MFSD2A: variants seen among roughly 807,000 people sequenced by gnomAD.
MFSD2A encodes the protein MFSD2 lysolipid transporter A, lysophospholipid.
A neutral mutation model predicts 64.7 loss-of-function variants in MFSD2A; 27 were observed. That is an observed-to-expected ratio of 0.42 (90% CI 0.31 to 0.58). MFSD2A has a LOEUF of 0.58. Among genes scored for constraint, MFSD2A ranks in the 20% least tolerant of loss-of-function variants. MFSD2A has a pLI of 0.18. For synonymous variants in MFSD2A, 258 were observed against 273.4 expected, an observed-to-expected ratio of 0.94 and a Z score of 0.55; for missense variants, 474 against 679.5, an observed-to-expected ratio of 0.70 and a Z score of 3.36.
Position 39,965,059 on chromosome 1 carries a change from G to T in MFSD2A, c.354-152G>T. 1 of 1,063,384 alleles carries T rather than the reference G, an allele frequency of 9.4e-7. No individual in the cohort carries two copies. Among genetic ancestry groups the T allele is most frequent in the Non-Finnish European group, 1.3e-6 (1 of 750,652 alleles). 65.9% of individuals were successfully genotyped at this position (1,063,384 alleles called of 1,614,324 possible). The stretch of plus-strand genomic sequence containing the variant: ...CTTGGTCATCAGCCTCTTCCCAGAG[G>T]CCCAGGATGGGTGGATTTGGCAGGA... On this transcript the variant is annotated intron_variant, in intron 3 of 13. Coordinates refer to ENST00000372811, the MANE Select transcript of MFSD2A (RefSeq NM_032793.5). The surrounding 1 kb of genome is among the most constrained non-coding windows in gnomAD (Gnocchi z 5.5).
chr1:39,966,084 G>C, intron 6 of MFSD2A, 70 bp downstream of exon 6: 1 of 1,539,638 alleles, frequency 6.5e-7, no homozygotes, highest in Admixed American at 1.8e-5. Context: ...TCATCCTAAA[G>C]ATAGTAACAG....
intron 3 of MFSD2A, among the ~76,000 whole-genome samples, chr1:39,961,351 TTTTG>T (rs1160110734): frequency 2.3e-4 from 10 of 43,732 alleles, no homozygotes; most frequent in Non-Finnish European, 3.7e-4. Flanking sequence ...CCCCCGCTTT[TTTTG>T]TTTGTTTGTT....
rs2124755589 is a variant in MFSD2A at position 39,956,989 on chromosome 1, G to T, written c.94-98G>T. The T allele has an allele frequency of 1.4e-4, 125 of 865,620 alleles. No individual in the cohort carries two copies. The Middle Eastern group carries it at 1.4e-3, about 10-fold the overall frequency. 53.6% of individuals were successfully genotyped at this position (865,620 alleles called of 1,614,324 possible). A position where few individuals can be genotyped will look rare whatever the true frequency, so the allele number is the denominator to read the frequency against. The stretch of plus-strand genomic sequence containing the variant: ...GGAACAGGTCAAAGCAGAGTTGTTT[G>T]TTCTGGTAGAGCTGGCCAGAGGGAT... On this transcript the variant is annotated intron_variant, in intron 1 of 13. Coordinates refer to ENST00000372811, the MANE Select transcript of MFSD2A (RefSeq NM_032793.5).
intron 3 of MFSD2A, among the ~76,000 whole-genome samples, chr1:39,959,747 A>G (rs540818747): frequency 6.6e-6 from 1 of 152,190 alleles, no homozygotes; most frequent in South Asian, 2.1e-4. Context: ...AGGTTGATGT[A>G]ATTTTGAGAC....
chr1:39,960,657 C>T lies in MFSD2A; in HGVS notation c.353+1832C>T, dbSNP rs1420981138. ...GGGTTACTCCCAGTTACACTGGGTT[C>T]CTCAGCAGCAGCTGCTCAGCTGCTT... On this transcript the variant is annotated intron_variant, in intron 3 of 13. Transcript: ENST00000372811. The surrounding 1 kb of genome is among the most constrained non-coding windows in gnomAD (Gnocchi z 4.8). 2.6e-5 allele frequency among the ~76,000 whole-genome samples: 4 copies of T among 152,252 alleles called. No homozygotes were observed. Among genetic ancestry groups the T allele is most frequent in the Non-Finnish European group, 5.9e-5 (4 of 68,054 alleles).
Position 39,969,665 on chromosome 1 carries a change from G to T in MFSD2A, c.*97G>T. ...TGAGCAGCTGGACTGCAGGTGCTAGGAAGGGAACTGAAGACTCAAGGAGGT... is the reference window on the plus strand; with the variant it reads ...TGAGCAGCTGGACTGCAGGTGCTAGTAAGGGAACTGAAGACTCAAGGAGGT... On this transcript the variant is annotated 3_prime_UTR_variant, in exon 14 of 14. Coordinates refer to ENST00000372811, the MANE Select transcript of MFSD2A (RefSeq NM_032793.5). The T allele has an allele frequency of 8.5e-7, 1 of 1,171,268 alleles. No individual in the cohort carries two copies. Among genetic ancestry groups the T allele is most frequent in the South Asian group, 1.4e-5 (1 of 72,782 alleles). The allele number at this position is 1,171,268 out of a possible 1,614,324, so 72.6% of individuals were successfully genotyped here.
At position 39,969,613 on chromosome 1, in the gene MFSD2A, G is replaced by A. The variant is rs575790497; in HGVS notation, c.*45G>A. The A allele has an allele frequency of 3.2e-6, 5 of 1,576,758 alleles. No homozygotes were observed. The South Asian group carries it at 5.7e-5, about 18-fold the overall frequency. ...AGCCACCATGCAGAAGGCCACAGAA[G>A]GGATCAGGACCTGTCTGCCGGCTTG... On this transcript the variant is annotated 3_prime_UTR_variant, in exon 14 of 14. Transcript: ENST00000372811.
In MFSD2A at chr1:39,958,595, C is replaced by G; in HGVS notation, c.229-106C>G. Reference sequence around the variant, plus strand: ...TCCATGTGGGAGCAGCTCAGGGTCACAAGATCCTGGCTGAGATAGGGAGGG... The same window carrying G: ...TCCATGTGGGAGCAGCTCAGGGTCAGAAGATCCTGGCTGAGATAGGGAGGG... On this transcript the variant is annotated intron_variant, in intron 2 of 13. Coordinates refer to ENST00000372811, the MANE Select transcript of MFSD2A (RefSeq NM_032793.5). The surrounding 1 kb of genome is among the most constrained non-coding windows in gnomAD (Gnocchi z 4.7). The G allele has an allele frequency of 6.3e-7, 1 of 1,587,576 alleles. No homozygotes were observed.
rs1284952101 is a variant in MFSD2A at position 39,963,721 on chromosome 1, G to T, written c.354-1490G>T. On this transcript the variant is annotated intron_variant, in intron 3 of 13. Transcript: ENST00000372811. This position sits in a 1 kb window ranked among gnomAD's most constrained non-coding sequence, Gnocchi z 4.2. ...TGCAGTTTTAACATTCCACATTAAG[G>T]ATGTAATAATCAAGGAGTTTGTTTG... 6.6e-6 allele frequency among the ~76,000 whole-genome samples: 1 copy of T among 152,072 alleles called. No individual in the cohort carries two copies. The highest frequency in any genetic ancestry group is 2.4e-5 in the African/African-American group (1 of 41,380).
rs747619285 is a variant in MFSD2A at position 39,966,699 on chromosome 1, G to A, written c.805+8G>A. 5.0e-6 allele frequency: 8 copies of A among 1,613,720 alleles called. No homozygotes were observed. Among genetic ancestry groups the A allele is most frequent in the Non-Finnish European group, 6.8e-6 (8 of 1,179,836 alleles). ...GCGTGCGGGAGCAGAGAGGTAAGGG[G>A]GTGCCTGGGAAGGGGTGCAGGCCTC... On this transcript the variant is annotated splice_region_variant and intron_variant, in intron 7 of 13. Transcript: ENST00000372811.
chr1:39,955,992 A>G lies in MFSD2A; in HGVS notation c.93+607A>G, dbSNP rs1644920221. On this transcript the variant is annotated intron_variant, in intron 1 of 13. Transcript: ENST00000372811. The surrounding 1 kb of genome is among the most constrained non-coding windows in gnomAD (Gnocchi z 5.9). ...ATAAAATGAGGCGGCCCCCTAGGAA[A>G]GGATCTCAGGCAATAGATACCTTCG... 6.6e-6 allele frequency among the ~76,000 whole-genome samples: 1 copy of G among 152,202 alleles called. No homozygotes were observed. Among genetic ancestry groups the G allele is most frequent in the African/African-American group, 2.4e-5 (1 of 41,452 alleles).
chr1:39,965,097 A>C lies in MFSD2A; in HGVS notation c.354-114A>C. Reference sequence around the variant, plus strand: ...GGATTTGGCAGGAGTATGGGGAAGGAAGGAAGAGCTTAGCTTCCTTCCCTG... The same window carrying C: ...GGATTTGGCAGGAGTATGGGGAAGGCAGGAAGAGCTTAGCTTCCTTCCCTG... On this transcript the variant is annotated intron_variant, in intron 3 of 13. Transcript: ENST00000372811. The surrounding 1 kb of genome is among the most constrained non-coding windows in gnomAD (Gnocchi z 5.5). The C allele has an allele frequency of 2.8e-6, 4 of 1,435,910 alleles. No individual in the cohort carries two copies. The highest frequency in any genetic ancestry group is 3.8e-6 in the Non-Finnish European group (4 of 1,056,736). 88.9% of individuals were successfully genotyped at this position (1,435,910 alleles called of 1,614,324 possible).
Position 39,965,411 on chromosome 1 carries a change from T to A in MFSD2A, c.478-60T>A. 1 of 1,613,594 alleles carries A rather than the reference T, an allele frequency of 6.2e-7. No individual in the cohort carries two copies. Among genetic ancestry groups the A allele is most frequent in the Non-Finnish European group, 8.5e-7 (1 of 1,179,672 alleles). On this transcript the variant is annotated intron_variant, in intron 4 of 13. Coordinates refer to ENST00000372811, the MANE Select transcript of MFSD2A (RefSeq NM_032793.5). The surrounding 1 kb of genome is among the most constrained non-coding windows in gnomAD (Gnocchi z 5.5). ...TCCTTGGGGCCCCCAGGGTTGGTAC[T>A]GGAAGCTACATCAGTGTGTCCACCC...
Position 39,964,192 on chromosome 1 carries a change from T to C in MFSD2A, c.354-1019T>C, listed in dbSNP as rs74225694. The C allele has an allele frequency of 0.043, 6,583 of 152,406 alleles. 228 individuals are homozygous for C. The highest frequency in any genetic ancestry group is 0.12 in the East Asian group (624 of 5,192). 9.4% of individuals were successfully genotyped at this position (152,406 alleles called of 1,614,324 possible). ...TGTTGTAGCATGTGTCAGAATTTTA[T>C]TCCTTATGAAGGTTGAATGGTATAT... On this transcript the variant is annotated intron_variant, in intron 3 of 13. Coordinates refer to ENST00000372811, the MANE Select transcript of MFSD2A (RefSeq NM_032793.5). This position sits in a 1 kb window ranked among gnomAD's most constrained non-coding sequence, Gnocchi z 4.1.
Position 39,968,863 on chromosome 1 carries a change from G to A in MFSD2A, c.1529+118G>A. ...CCCCACACATCTTCTCTGGACAGCT[G>A]TAACACTTAAGTACGCACCAGGCAC... On this transcript the variant is annotated intron_variant, in intron 13 of 13. Transcript: ENST00000372811. The surrounding 1 kb of genome is among the most constrained non-coding windows in gnomAD (Gnocchi z 4.4). 1 of 1,116,836 alleles carries A rather than the reference G, an allele frequency of 9.0e-7. No homozygotes were observed. Among genetic ancestry groups the A allele is most frequent in the Non-Finnish European group, 1.3e-6 (1 of 780,268 alleles). The allele number at this position is 1,116,836 out of a possible 1,614,324, so 69.2% of individuals were successfully genotyped here.
At chr1:39,959,372 C>T (rs974731243) in intron 3 of MFSD2A, among the ~76,000 whole-genome samples, 8 of 151,790 alleles carry the variant, frequency 5.3e-5, no homozygotes, top group African/African-American at 1.5e-4. Context: ...CTCAGCCTCT[C>T]GAGTAGCTGC....
rs1273995608 is a variant in MFSD2A, at chr1:39,966,692, G to T, written c.805+1G>T. On this transcript the variant is annotated splice_donor_variant, in intron 7 of 13. Coordinates refer to ENST00000372811, the MANE Select transcript of MFSD2A (RefSeq NM_032793.5). LOFTEE classifies it high-confidence loss of function. ...ATCCTGGGCGTGCGGGAGCAGAGAGGTAAGGGGGTGCCTGGGAAGGGGTGC... is the reference window on the plus strand; with the variant it reads ...ATCCTGGGCGTGCGGGAGCAGAGAGTTAAGGGGGTGCCTGGGAAGGGGTGC... 1 of 1,613,904 alleles carries T rather than the reference G, an allele frequency of 6.2e-7. No individual in the cohort carries two copies. Among genetic ancestry groups the T allele is most frequent in the Non-Finnish European group, 8.5e-7 (1 of 1,179,894 alleles).
In MFSD2A at chr1:39,968,568, G is replaced by T; in HGVS notation, c.1353-1G>T. 1 of 1,614,156 alleles carries T rather than the reference G, an allele frequency of 6.2e-7. No individual in the cohort carries two copies. The highest frequency in any genetic ancestry group is 8.5e-7 in the Non-Finnish European group (1 of 1,180,012). On this transcript the variant is annotated splice_acceptor_variant, in intron 12 of 13. Transcript: ENST00000372811. LOFTEE classifies it high-confidence loss of function. The surrounding 1 kb of genome is among the most constrained non-coding windows in gnomAD (Gnocchi z 4.4). ...GTTCTCCTACCCCCTGGGTCCCATA[G>T]CTTTGCAGGGTACCAGACCCGTGGC...
intron 3 of MFSD2A, among the ~76,000 whole-genome samples, chr1:39,961,150 C>T (rs187723944): frequency 7.2e-5 from 11 of 152,050 alleles, no homozygotes; most frequent in Middle Eastern, 3.4e-3. Context: ...GACCCCTCCT[C>T]AGGCCAGGCC....
Sources: gnomAD v4.1 joint callset for allele counts (sites outside exome capture counted in the v4.1 genomes callset) on GRCh38, gnomAD v4.1.1 for gene constraint, Gnocchi (gnomAD v3.1) non-coding constraint, MANE v1.5 for transcripts, NCBI Gene and HGNC (gene_info 2026-07-23, HGNC 2026-07-21) for gene names.